The following SBNO2 variants were observed in gnomAD, a reference collection of about 807,000 sequenced individuals.
SBNO2 encodes the protein protein strawberry notch homolog 2.
In SBNO2, 89 loss-of-function variants were observed where a neutral mutation model predicts 146.3. That is an observed-to-expected ratio of 0.61 (90% CI 0.51 to 0.73). SBNO2 has a LOEUF of 0.73. SBNO2 is among the 30% of genes least tolerant of loss of function. The pLI is 0.00. For synonymous variants in SBNO2, 1,147 were observed against 892.6 expected (o/e 1.29, Z -5.08); for missense variants, 2,092 against 2,003.7 (o/e 1.04, Z -0.84).
chr19:1,157,588 C>T lies in SBNO2; in HGVS notation c.-126-3186G>A, dbSNP rs1431054312. On this transcript the variant is annotated intron_variant, in intron 1 of 31. Transcript: ENST00000361757. This position sits in a 1 kb window ranked among gnomAD's most constrained non-coding sequence, Gnocchi z 6.8. The stretch of plus-strand genomic sequence containing the variant: ...GTGGGGGTTGGGGGGGCGGGGGTCA[C>T]ACGGTTCCCACCTTGGGAGGGGGCC... 6.6e-6 allele frequency among the ~76,000 whole-genome samples: 1 copy of T among 152,154 alleles called. No individual in the cohort carries two copies. Among genetic ancestry groups the T allele is most frequent in the Non-Finnish European group, 1.5e-5 (1 of 68,018 alleles).
At position 1,122,195 on chromosome 19, in the gene SBNO2, G is replaced by A. The variant is rs1320701617; in HGVS notation, c.1093C>T (p.His365Tyr). ...LIGESQAGGQHRTRLRQILDW... is the reference protein window; with the variant it reads ...LIGESQAGGQYRTRLRQILDW... Reference sequence around the variant, plus strand: ...AGGATCTGCCGGAGGCGAGTGCGGTGCTGGCCGCCGGCCTGGCTCTCCCCA... The same window carrying A: ...AGGATCTGCCGGAGGCGAGTGCGGTACTGGCCGCCGGCCTGGCTCTCCCCA... Residue 365 changes from histidine to tyrosine, a missense_variant, in exon 11 of 32, where the codon CAC becomes TAC. Physicochemically the swap from His to Tyr is moderately conservative, Grantham distance 83. Transcript: ENST00000361757. 6.4e-7 allele frequency: 1 copy of A among 1,552,390 alleles called. No individual in the cohort carries two copies. The highest frequency in any genetic ancestry group is 8.7e-7 in the Non-Finnish European group (1 of 1,148,678).
chr19:1,141,151 C>T (rs756605222), intron 4 of SBNO2, among the ~76,000 whole-genome samples: 4 of 151,028 alleles, frequency 2.6e-5, no homozygotes, highest in Non-Finnish European at 5.9e-5. Flanking sequence ...ACTGCCTCTT[C>T]GGGGGCAAGC....
rs1340325418 is a variant in SBNO2 at position 1,109,297 on chromosome 19, G to T, written c.3343C>A (p.His1115Asn). Residue 1115 changes from histidine to asparagine, a missense_variant, in exon 29 of 32, where the codon CAC becomes AAC. Physicochemically the swap from His to Asn is moderately conservative, Grantham distance 68. Transcript: ENST00000361757. This position sits in a 1 kb window ranked among gnomAD's most constrained non-coding sequence, Gnocchi z 4.2. ...TGCGCCCGGCGGCCGCCTACCCGGT[G>T]GAACTTGCGGCGGAGGCTGTCCAGG... is the stretch of plus-strand genomic sequence containing the variant. ...EALDSLRRKF[H>N]RVTAEEAKEP... 1 of 1,595,076 alleles carries T rather than the reference G, an allele frequency of 6.3e-7. No homozygotes were observed. The highest frequency in any genetic ancestry group is 8.5e-7 in the Non-Finnish European group (1 of 1,171,892).
chr19:1,170,121 T>C (rs575579435), intron 1 of SBNO2, among the ~76,000 whole-genome samples: 7 of 152,190 alleles, frequency 4.6e-5, no homozygotes, highest in Non-Finnish European at 7.4e-5. Flanking sequence ...AGAGCATCCA[T>C]GCCGGGCGCA....
intron 4 of SBNO2, among the ~76,000 whole-genome samples, chr19:1,146,764 G>A (rs1251335053): frequency 7.0e-6 from 1 of 143,258 alleles, no homozygotes; most frequent in African/African-American, 2.7e-5. Context: ...GAGGCTGTGA[G>A]GGTGGGGGTG....
In SBNO2 at chr19:1,122,920, G is replaced by A. The variant is rs2079920692; in HGVS notation, c.754C>T (p.Leu252=). 1 of 1,555,326 alleles carries A rather than the reference G, an allele frequency of 6.4e-7. No homozygotes were observed. Among genetic ancestry groups the A allele is most frequent in the Non-Finnish European group, 8.7e-7 (1 of 1,150,230 alleles). Residue 252 remains leucine (L), a synonymous_variant, in exon 8 of 32, where the codon CTA becomes TTA. Coordinates refer to ENST00000361757, the MANE Select transcript of SBNO2 (RefSeq NM_014963.3). ...SDSGALSALQ[L]EAITYACQQH... is the part of the protein sequence containing the mutation. ...TGGCAGGCGTAGGTGATGGCCTCTA[G>A]CTGCAGGGCAGACAGGGCCCCGCTG...
At position 1,122,551 on chromosome 19, in the gene SBNO2, C is replaced by T. The variant is rs554702050; in HGVS notation, c.922G>A (p.Val308Ile). 1.0e-5 allele frequency: 16 copies of T among 1,542,116 alleles called. No homozygotes were observed. Among genetic ancestry groups the T allele is most frequent in the East Asian group, 2.4e-5 (1 of 41,190 alleles). ...GCATCGTACTTGAGGTCGTTGGAGACGCTGAACCTGCGGGGTGGGGGCGTC... is the reference window on the plus strand; with the variant it reads ...GCATCGTACTTGAGGTCGTTGGAGATGCTGAACCTGCGGGGTGGGGGCGTC... Reference protein sequence around the residue: ...RGRKKALWFSVSNDLKYDAER... With the variant: ...RGRKKALWFSISNDLKYDAER... Residue 308 changes from valine to isoleucine, a missense_variant, in exon 10 of 32, where the codon GTC becomes ATC. Val to Ile is a conservative substitution (Grantham distance 29). Coordinates refer to ENST00000361757, the MANE Select transcript of SBNO2 (RefSeq NM_014963.3).
At chr19:1,130,519 C>G (rs942996092) in intron 4 of SBNO2, among the ~76,000 whole-genome samples, 1 of 150,088 alleles carries the variant, frequency 6.7e-6, no homozygotes, top group African/African-American at 2.5e-5. Context: ...TCAAGCAGGG[C>G]GTAGTGGCTC....
rs1002387386 is a variant in SBNO2, at chr19:1,119,174, G to A, written c.1374-10C>T. 1.9e-6 allele frequency: 3 copies of A among 1,588,968 alleles called. No individual in the cohort carries two copies. Among genetic ancestry groups the A allele is most frequent in the Non-Finnish European group, 1.7e-6 (2 of 1,170,352 alleles). ...CATGGCGCCAACGCCCCTGCGGATG[G>A]ACACAGCCCCCGTGAGCACGGCCAG... On this transcript the variant is annotated splice_polypyrimidine_tract_variant and intron_variant, in intron 13 of 31. Transcript: ENST00000361757.
In SBNO2 at chr19:1,150,879, C is replaced by T. The variant is rs1445792663; in HGVS notation, c.94-1437G>A. Among the ~76,000 whole-genome samples, 2 of 152,336 alleles carry T rather than the reference C, an allele frequency of 1.3e-5. No individual in the cohort carries two copies. Among genetic ancestry groups the T allele is most frequent in the East Asian group, 1.9e-4 (1 of 5,182 alleles). The stretch of plus-strand genomic sequence containing the variant: ...CCCGACAGCCTCGAGATAGGCAAAG[C>T]CCTCGGGGTGACCGCTGCCCCGCTC... On this transcript the variant is annotated intron_variant, in intron 2 of 31. Transcript: ENST00000361757. The surrounding 1 kb of genome is among the most constrained non-coding windows in gnomAD (Gnocchi z 6.2).
chr19:1,147,339 G>A lies in SBNO2; in HGVS notation c.249C>T (p.Ser83=). 1.3e-6 allele frequency: 2 copies of A among 1,575,580 alleles called. No individual in the cohort carries two copies. Among genetic ancestry groups the A allele is most frequent in the Non-Finnish European group, 1.7e-6 (2 of 1,164,548 alleles). ...TSYAPVATAS[S]LPPKTCDFAQ... Reference sequence around the variant, plus strand: ...CAAAGTCGCAGGTCTTTGGTGGCAAGCTGGAGGCGGTGGCCACGGGGGCAT... The same window carrying A: ...CAAAGTCGCAGGTCTTTGGTGGCAAACTGGAGGCGGTGGCCACGGGGGCAT... The change falls in exon 4 of 32, where the codon AGC becomes AGT. Residue 83 remains serine (S), a synonymous_variant. Transcript: ENST00000361757.
rs187501031 is a variant in SBNO2, at chr19:1,144,055, G to C, written c.279+3254C>G. On this transcript the variant is annotated intron_variant, in intron 4 of 31. Coordinates refer to ENST00000361757, the MANE Select transcript of SBNO2 (RefSeq NM_014963.3). This position sits in a 1 kb window ranked among gnomAD's most constrained non-coding sequence, Gnocchi z 4.1. ...TGGGGGGCACGGCGCAAAGGGCCTC[G>C]AACACCAGGCTCAGGTCTGGGCTCC... Among the ~76,000 whole-genome samples, 48 of 152,312 alleles carry C rather than the reference G, an allele frequency of 3.2e-4. No homozygotes were observed. The highest frequency in any genetic ancestry group is 1.0e-3 in the African/African-American group (42 of 41,562).
rs1489605293 is a variant in SBNO2 at position 1,173,233 on chromosome 19, G to C, written c.-127+939C>G. The stretch of plus-strand genomic sequence containing the variant: ...GCCCTACGGGGGACAGGACCCACCA[G>C]GAGGCCTGCGCTTCCCCTTCACCGA... On this transcript the variant is annotated intron_variant, in intron 1 of 31. Transcript: ENST00000361757. The surrounding 1 kb of genome is among the most constrained non-coding windows in gnomAD (Gnocchi z 4.7). Among the ~76,000 whole-genome samples, 1 of 152,108 alleles carries C rather than the reference G, an allele frequency of 6.6e-6. No homozygotes were observed. The highest frequency in any genetic ancestry group is 1.5e-5 in the Non-Finnish European group (1 of 68,020).
Position 1,144,023 on chromosome 19 carries a change from G to A in SBNO2, c.279+3286C>T, listed in dbSNP as rs1171078325. ...AGCAGAGGCTTCCGTGGCTGGCTGG[G>A]CTGCGCTGGGGGGCACGGCGCAAAG... On this transcript the variant is annotated intron_variant, in intron 4 of 31. Coordinates refer to ENST00000361757, the MANE Select transcript of SBNO2 (RefSeq NM_014963.3). This position sits in a 1 kb window ranked among gnomAD's most constrained non-coding sequence, Gnocchi z 4.1. 1.3e-5 allele frequency among the ~76,000 whole-genome samples: 2 copies of A among 152,252 alleles called. No individual in the cohort carries two copies. Among genetic ancestry groups the A allele is most frequent in the Non-Finnish European group, 2.9e-5 (2 of 68,042 alleles).
chr19:1,108,879 C>T lies in SBNO2; in HGVS notation c.3516G>A (p.Leu1172=), dbSNP rs766367199. ...RHHYMLCGAL[L]RVWGRIAAVM... ...CGGCGGCGATGCGGCCCCACACGCG[C>T]AGCAGCGCGCCGCACAGCATGTAGT... Residue 1172 remains leucine, a synonymous_variant, in exon 31 of 32, where the codon CTG becomes CTA. Coordinates refer to ENST00000361757, the MANE Select transcript of SBNO2 (RefSeq NM_014963.3). 6 of 1,591,232 alleles carry T rather than the reference C, an allele frequency of 3.8e-6. No homozygotes were observed. The highest frequency in any genetic ancestry group is 3.3e-5 in the South Asian group (3 of 89,728).
intron 1 of SBNO2, among the ~76,000 whole-genome samples, chr19:1,165,000 C>A (rs769497430): frequency 1.1e-3 from 109 of 96,376 alleles, no homozygotes; most frequent in Non-Finnish European, 1.9e-3. Flanking sequence ...GAGGCAGCGG[C>A]GGCACTGTGG....
At chr19:1,139,910 T>C (rs12459651) in intron 4 of SBNO2, among the ~76,000 whole-genome samples, 39,117 of 151,702 alleles carry the variant, frequency 0.26, 5,388 homozygotes, top group Admixed American at 0.33. Flanking sequence ...GATCACACCA[T>C]TGCACTCCAG....
rs2080089564 is a variant in SBNO2 at position 1,136,931 on chromosome 19, C to T, written c.280-9166G>A. On this transcript the variant is annotated intron_variant, in intron 4 of 31. Transcript: ENST00000361757. This position sits in a 1 kb window ranked among gnomAD's most constrained non-coding sequence, Gnocchi z 4.2. ...CCCCATGGGGACCCGGGATGGATGCCCGGCAGGTGGAGAGGTCCTCACAGG... is the reference window on the plus strand; with the variant it reads ...CCCCATGGGGACCCGGGATGGATGCTCGGCAGGTGGAGAGGTCCTCACAGG... Among the ~76,000 whole-genome samples the T allele has an allele frequency of 6.6e-6, 1 of 151,714 alleles. No individual in the cohort carries two copies. The highest frequency in any genetic ancestry group is 1.5e-5 in the Non-Finnish European group (1 of 67,944).
intron 1 of SBNO2, among the ~76,000 whole-genome samples, chr19:1,172,065 C>G (rs1417639012): frequency 6.6e-6 from 1 of 152,152 alleles, no homozygotes; most frequent in African/African-American, 2.4e-5. Flanking sequence ...TGCACAGCCC[C>G]CTCCACACCA....
Sources: allele counts gnomAD v4.1 joint callset (sites outside exome capture counted in the v4.1 genomes callset), GRCh38; gene constraint gnomAD v4.1.1; non-coding constraint Gnocchi (gnomAD v3.1); transcripts MANE v1.5; gene names NCBI Gene and HGNC (gene_info 2026-07-23, HGNC 2026-07-21).